NBAS: variants seen among roughly 807,000 people sequenced by gnomAD.
The protein encoded by NBAS is NAG/BC035112 fusion.
NBAS carries 219 observed loss-of-function variants against 302.5 expected under a neutral mutation model. The observed-to-expected ratio is 0.72, with a 90% CI of 0.65 to 0.81. NBAS has a LOEUF of 0.81. NBAS is among the 30% of genes least tolerant of loss of function. The pLI is 0.00. For missense variants in NBAS, 2,932 were observed against 2,841.6 expected, an observed-to-expected ratio of 1.03 and a Z score of -0.72; for synonymous variants, 1,118 against 1,021.6, an observed-to-expected ratio of 1.09 and a Z score of -1.80.
intron 48 of NBAS, among the ~76,000 whole-genome samples, chr2:15,206,041 G>A (rs891835122): frequency 6.6e-5 from 10 of 152,178 alleles, no homozygotes; most frequent in African/African-American, 2.4e-4. Context: ...GGTTGGAACA[G>A]TTTGGGTTCA....
the NBAS span, among the ~76,000 whole-genome samples, chr2:15,093,929 A>T: frequency 1.4e-4 from 22 of 152,232 alleles, no homozygotes; most frequent in Non-Finnish European, 4.4e-5. Flanking sequence ...GGTGATTCTC[A>T]TAATACTTCA....
chr2:15,051,117 G>C, the NBAS span, among the ~76,000 whole-genome samples: 7 of 151,248 alleles, frequency 4.6e-5, no homozygotes, highest in Non-Finnish European at 1.0e-4. Flanking sequence ...AAGTGAATGA[G>C]AGAATCAATT....
chr2:15,352,316 C>A (rs903582740), intron 34 of NBAS, among the ~76,000 whole-genome samples: 1 of 152,132 alleles, frequency 6.6e-6, no homozygotes, highest in Non-Finnish European at 1.5e-5. Context: ...TGAATTGTTA[C>A]AGGCAGTGTA....
At chr2:15,395,625 T>A (rs910633321) in intron 27 of NBAS, among the ~76,000 whole-genome samples, 2 of 152,178 alleles carry the variant, frequency 1.3e-5, no homozygotes, top group African/African-American at 4.8e-5. Context: ...TACACTAAAG[T>A]CCATTAATTT....
chr2:15,415,243 A>G (rs1457413753), intron 25 of NBAS, among the ~76,000 whole-genome samples: 3 of 152,252 alleles, frequency 2.0e-5, no homozygotes, highest in Non-Finnish European at 4.4e-5. Flanking sequence ...AAATGAGGTA[A>G]CACTGGGAAA....
the NBAS span, among the ~76,000 whole-genome samples, chr2:14,906,381 G>A: frequency 6.6e-6 from 1 of 152,210 alleles, no homozygotes; most frequent in Non-Finnish European, 1.5e-5. Context: ...GTAAGTGGCA[G>A]AGCCAGGATT....
At chr2:15,124,382 T>C in the NBAS span, among the ~76,000 whole-genome samples, 4 of 152,296 alleles carry the variant, frequency 2.6e-5, no homozygotes, top group Middle Eastern at 6.8e-3. Flanking sequence ...TTGGAACTTA[T>C]GTTTAAAAGG....
chr2:15,353,837 C>T (rs1487039611), intron 33 of NBAS, 127 bp from the exon 34 acceptor site: 4 of 1,113,254 alleles, frequency 3.6e-6, no homozygotes, highest in East Asian at 2.4e-5. Context: ...ATTAGTGACA[C>T]ATTATTTTAT....
chr2:15,351,064 C>A (rs1440736603), intron 35 of NBAS, among the ~76,000 whole-genome samples: 1 of 152,032 alleles, frequency 6.6e-6, no homozygotes, highest in Non-Finnish European at 1.5e-5. Context: ...TTTTTAGTCA[C>A]CAAAATTGAA....
the NBAS span, among the ~76,000 whole-genome samples, chr2:14,846,342 A>G: frequency 1.3e-5 from 2 of 152,142 alleles, no homozygotes; most frequent in Non-Finnish European, 2.9e-5. Flanking sequence ...ATATCCTTCA[A>G]ATATAAAGAA....
intron 51 of NBAS, among the ~76,000 whole-genome samples, chr2:15,172,966 T>C (rs921030658): frequency 6.6e-6 from 1 of 152,086 alleles, no homozygotes; most frequent in South Asian, 2.1e-4. Context: ...TCTGTAAGGG[T>C]TGGGAATAAT....
chr2:15,062,278 G>A, the NBAS span, among the ~76,000 whole-genome samples: 2 of 152,184 alleles, frequency 1.3e-5, no homozygotes, highest in African/African-American at 4.8e-5. Flanking sequence ...GAGCTTGAAG[G>A]TTACCTCTCT....
At chr2:14,911,415 A>G in the NBAS span, among the ~76,000 whole-genome samples, 1 of 152,214 alleles carries the variant, frequency 6.6e-6, no homozygotes, top group African/African-American at 2.4e-5. Flanking sequence ...GGTGGCATGA[A>G]TACATCCTGG....
chr2:15,380,075 A>G (rs889752592), intron 29 of NBAS, among the ~76,000 whole-genome samples: 4 of 152,196 alleles, frequency 2.6e-5, no homozygotes, highest in African/African-American at 9.6e-5. Flanking sequence ...AATTTCATTG[A>G]CTAAACCAAA....
At position 15,234,430 on chromosome 2, in the gene NBAS, T is replaced by A. The variant is rs1345032915; in HGVS notation, c.6146+115A>T. On this transcript the variant is annotated intron_variant, in intron 46 of 51. Coordinates refer to ENST00000281513, the MANE Select transcript of NBAS (RefSeq NM_015909.4). ...GAGAACTCTAAAAATAATCTCTCAC[T>A]TTTGTAAAGTCCTTCAAAACTTATA... 5.6e-6 allele frequency: 6 copies of A among 1,074,396 alleles called. No homozygotes were observed. In the African/African-American group the frequency reaches 6.2e-5, roughly 11 times the overall value. 66.6% of individuals were successfully genotyped at this position (1,074,396 alleles called of 1,614,324 possible).
At chr2:14,955,800 C>G in the NBAS span, among the ~76,000 whole-genome samples, 1 of 152,172 alleles carries the variant, frequency 6.6e-6, no homozygotes, top group Non-Finnish European at 1.5e-5. Flanking sequence ...TCCCCAGCCT[C>G]CACTCACAAA....
At chr2:15,312,706 T>A (rs1671335382) in intron 38 of NBAS, among the ~76,000 whole-genome samples, 2 of 152,228 alleles carry the variant, frequency 1.3e-5, no homozygotes, top group Admixed American at 6.5e-5. Context: ...CTCAAATTAA[T>A]CATTCTTTAC....
chr2:15,397,358 AT>A (rs567317266), intron 26 of NBAS: 61 of 239,966 alleles, frequency 2.5e-4, no homozygotes, highest in South Asian at 5.7e-4. Flanking sequence ...TTTATTTTTT[AT>A]TTTTTTTTCA....
At chr2:15,018,430 TAAATA>T in the NBAS span, among the ~76,000 whole-genome samples, 1 of 151,968 alleles carries the variant, frequency 6.6e-6, no homozygotes. Flanking sequence ...TGTCAATGGT[TAAATA>T]AAATAATATA....
Sources: allele counts gnomAD v4.1 joint callset (sites outside exome capture counted in the v4.1 genomes callset), GRCh38; gene constraint gnomAD v4.1.1; transcripts MANE v1.5; gene names NCBI Gene and HGNC (gene_info 2026-07-23, HGNC 2026-07-21).